The following ARL6IP6 variants were observed in gnomAD, a reference collection of about 807,000 sequenced individuals.
ARL6IP6 encodes the protein ADP-ribosylation factor-like protein 6-interacting protein 6.
ARL6IP6 carries 22 observed loss-of-function variants against 21.5 expected under a neutral mutation model. The observed-to-expected ratio is 1.02, with a 90% CI of 0.73 to 1.46. ARL6IP6 has a LOEUF of 1.46. Among genes scored for constraint, ARL6IP6 ranks in the 40% most tolerant of loss-of-function variants. The probability of loss-of-function intolerance (pLI) is 0.00; values close to 1 mark genes in which losing one functional copy is unlikely to be tolerated. For missense variants in ARL6IP6, 388 were observed against 299.8 expected (o/e 1.29, Z -2.17); for synonymous variants, 164 against 125.3 (o/e 1.31, Z -2.06).
rs1200950299 is a variant in ARL6IP6 at position 152,759,949 on chromosome 2, T to G, written c.*109T>G. 1.2e-6 allele frequency: 1 copy of G among 855,084 alleles called. No homozygotes were observed. The highest frequency in any genetic ancestry group is 2.1e-5 in the Admixed American group (1 of 47,314). The allele number at this position is 855,084 out of a possible 1,614,324, so 53.0% of individuals were successfully genotyped here. ...AGACTGAGAAACCTGCTGTTCATTA[T>G]GTAGTTCAGATATTTATCACAATCA... On this transcript the variant is annotated 3_prime_UTR_variant, in exon 4 of 4. Coordinates refer to ENST00000326446, the MANE Select transcript of ARL6IP6 (RefSeq NM_152522.7).
intron 3 of ARL6IP6, among the ~76,000 whole-genome samples, chr2:152,746,821 CTTTTTTTTTT>C (rs61506535): frequency 9.1e-5 from 3 of 33,074 alleles, no homozygotes; most frequent in Admixed American, 3.6e-4. Context: ...TTTATCCTTT[CTTTTTTTTTT>C]TTTTTTTTTT....
intron 2 of ARL6IP6, among the ~76,000 whole-genome samples, chr2:152,722,252 G>A (rs1699824797): frequency 6.6e-6 from 1 of 152,106 alleles, no homozygotes; most frequent in Admixed American, 6.5e-5. Context: ...TATTTTTACA[G>A]CAAATAGGAA....
chr2:152,723,140 T>A (rs1699871351), intron 2 of ARL6IP6, among the ~76,000 whole-genome samples: 1 of 152,210 alleles, frequency 6.6e-6, no homozygotes, highest in African/African-American at 2.4e-5. Flanking sequence ...AACTTAGATA[T>A]CAAGAAAAAT....
chr2:152,760,523 C>G lies in ARL6IP6; in HGVS notation c.*683C>G, dbSNP rs1052007296. 88 of 151,248 alleles carry G rather than the reference C, an allele frequency of 5.8e-4. No individual in the cohort carries two copies. Among genetic ancestry groups the G allele is most frequent in the African/African-American group, 2.1e-3 (87 of 41,234 alleles). 9.4% of individuals were successfully genotyped at this position (151,248 alleles called of 1,614,324 possible). Reference sequence around the variant, plus strand: ...GCAAACCTAGTACCTGCCATTTTTACTAATTTTTGTCTTTAAAAAAAGCAA... The same window carrying G: ...GCAAACCTAGTACCTGCCATTTTTAGTAATTTTTGTCTTTAAAAAAAGCAA... On this transcript the variant is annotated 3_prime_UTR_variant, in exon 4 of 4. Transcript: ENST00000326446.
upstream of ARL6IP6, chr2:152,718,585 G>C (rs1430072078): frequency 6.0e-6 from 9 of 1,499,410 alleles, no homozygotes; most frequent in Non-Finnish European, 8.0e-6. Context: ...GGGCAGGTGG[G>C]AGAGGCTCGT....
chr2:152,756,922 A>G (rs147073266), intron 3 of ARL6IP6, among the ~76,000 whole-genome samples: 14 of 152,294 alleles, frequency 9.2e-5, no homozygotes, highest in African/African-American at 3.4e-4. Context: ...GATCTATCCA[A>G]GAGAAATAAG....
At chr2:152,725,590 A>C (rs1700005714) in intron 2 of ARL6IP6, among the ~76,000 whole-genome samples, 1 of 152,198 alleles carries the variant, frequency 6.6e-6, no homozygotes. Context: ...TCTTTTCGTC[A>C]AAATAAGCCA....
intron 3 of ARL6IP6, among the ~76,000 whole-genome samples, chr2:152,752,369 A>C (rs759933635): frequency 6.6e-5 from 10 of 152,172 alleles, no homozygotes; most frequent in Non-Finnish European, 1.3e-4. Flanking sequence ...GTATCTCTAC[A>C]AAAAATCAGC....
intron 2 of ARL6IP6, among the ~76,000 whole-genome samples, chr2:152,731,618 A>T (rs1700316015): frequency 1.3e-5 from 2 of 152,022 alleles, no homozygotes; most frequent in South Asian, 4.1e-4. Context: ...GAATTTTTTT[A>T]TTTTTTACAA....
At position 152,739,173 on chromosome 2, in the gene ARL6IP6, G is replaced by T. The variant is rs577248494; in HGVS notation, c.587+4047G>T. 2.0e-5 allele frequency among the ~76,000 whole-genome samples: 3 copies of T among 152,124 alleles called. No homozygotes were observed. In the East Asian group the frequency reaches 5.8e-4, roughly 30 times the overall value. On this transcript the variant is annotated intron_variant, in intron 3 of 3. Transcript: ENST00000326446. Reference sequence around the variant, plus strand: ...AATTTTTTTTTGTATTTTTAGTAGAGACGGGGTTTCACCATGTTAGCCAGG... The same window carrying T: ...AATTTTTTTTTGTATTTTTAGTAGATACGGGGTTTCACCATGTTAGCCAGG...
chr2:152,739,220 C>T (rs893091643), intron 3 of ARL6IP6, among the ~76,000 whole-genome samples: 57 of 152,096 alleles, frequency 3.7e-4, no homozygotes, highest in Non-Finnish European at 6.3e-4. Flanking sequence ...CTCCTGACCT[C>T]GTGATCCGCC....
At chr2:152,757,211 C>T (rs1559246297) in intron 3 of ARL6IP6, among the ~76,000 whole-genome samples, 1 of 152,080 alleles carries the variant, frequency 6.6e-6, no homozygotes. Context: ...CTCAGTATTG[C>T]AGTTACCTCA....
intron 1 of ARL6IP6, 49 bp downstream of exon 1, chr2:152,719,073 G>T: frequency 6.8e-7 from 1 of 1,465,626 alleles, no homozygotes; most frequent in South Asian, 1.5e-5. Flanking sequence ...AGTTGAGCCA[G>T]GGTGTGGCTC....
At chr2:152,719,404 C>A (rs888545481) in intron 1 of ARL6IP6, among the ~76,000 whole-genome samples, 1 of 152,104 alleles carries the variant, frequency 6.6e-6, no homozygotes, top group African/African-American at 2.4e-5. Context: ...GGCCTTCATC[C>A]ACAAATAAAG....
intron 1 of ARL6IP6, 137 bp from the exon 2 acceptor site, chr2:152,720,385 CATAGCTGGTAA>C: frequency 1.4e-6 from 1 of 729,300 alleles, no homozygotes; most frequent in Non-Finnish European, 2.4e-6. Context: ...CTGAAGGTCA[CATAGCTGGTAA>C]ATTGAATCAG....
chr2:152,731,968 C>T (rs1182769816), intron 2 of ARL6IP6, among the ~76,000 whole-genome samples: 3 of 152,000 alleles, frequency 2.0e-5, no homozygotes, highest in Admixed American at 6.6e-5. Context: ...TAAAGAGCTT[C>T]CTCATTCATT....
rs1701756781 is a variant in ARL6IP6 at position 152,759,898 on chromosome 2, A to G, written c.*58A>G. The stretch of plus-strand genomic sequence containing the variant: ...TAATCATGATTGTTTTGTAATAACA[A>G]GAAGGAGCATCACTGTCTACTCAGA... On this transcript the variant is annotated 3_prime_UTR_variant, in exon 4 of 4. Transcript: ENST00000326446. 1.4e-6 allele frequency: 2 copies of G among 1,422,334 alleles called. No homozygotes were observed. The highest frequency in any genetic ancestry group is 2.8e-5 in the African/African-American group (2 of 70,842). The allele number at this position is 1,422,334 out of a possible 1,614,324, so 88.1% of individuals were successfully genotyped here. A position where few individuals can be genotyped will look rare whatever the true frequency, so the allele number is the denominator to read the frequency against.
upstream of ARL6IP6, chr2:152,718,369 C>T (rs757211187): frequency 4.7e-6 from 2 of 423,340 alleles, no homozygotes; most frequent in East Asian, 3.9e-5. Context: ...GGCCTCCGCT[C>T]GCTTCTCCCT....
rs78258305 is a variant in ARL6IP6, at chr2:152,745,214, G to A, written c.587+10088G>A. 5.6e-3 allele frequency among the ~76,000 whole-genome samples: 845 copies of A among 152,134 alleles called. 8 individuals are homozygous for A. The highest frequency in any genetic ancestry group is 9.4e-3 in the Non-Finnish European group (639 of 67,970). ...ATTGTTATTAGGGTTTTTCTCTGAC[G>A]TCTTCACATTGAGGGTTAGGAAGAT... On this transcript the variant is annotated intron_variant, in intron 3 of 3. Transcript: ENST00000326446.
Sources: allele counts gnomAD v4.1 joint callset (sites outside exome capture counted in the v4.1 genomes callset), GRCh38; gene constraint gnomAD v4.1.1; transcripts MANE v1.5; gene names NCBI Gene and HGNC (gene_info 2026-07-23, HGNC 2026-07-21).